Variants in UGT2A2 observed in about 807,000 individuals in gnomAD.
The protein encoded by UGT2A2 is UDP-glucuronosyltransferase 2A2.
UGT2A2 carries 60 observed loss-of-function variants against 50.7 expected under a neutral mutation model. That is an observed-to-expected ratio of 1.18 (90% CI 0.96 to 1.47). The LOEUF is 1.47. Ranked by LOEUF, UGT2A2 falls within the 40% of genes most tolerant of loss-of-function variation. UGT2A2 has a pLI of 0.00. For synonymous variants in UGT2A2, 242 were observed against 214.6 expected, an observed-to-expected ratio of 1.13 and a Z score of -1.11; for missense variants, 762 against 634.0, an observed-to-expected ratio of 1.20 and a Z score of -2.17.
chr4:69,606,207 T>C lies in UGT2A2; in HGVS notation c.743-6813A>G, dbSNP rs182354596. Among the ~76,000 whole-genome samples the C allele has an allele frequency of 6.6e-4, 90 of 135,882 alleles. 17 individuals carry two copies. The highest frequency in any genetic ancestry group is 1.9e-3 in the Admixed American group (26 of 13,836). 89.1% of individuals were successfully genotyped at this position (135,882 alleles called of 152,430 possible). A position where few individuals can be genotyped will look rare whatever the true frequency, so the allele number is the denominator to read the frequency against. ...CTGGCAAACCAAATCCAGCGGCACATCAAAAAGCTTACCCACCATGATCAA... is the reference window on the plus strand; with the variant it reads ...CTGGCAAACCAAATCCAGCGGCACACCAAAAAGCTTACCCACCATGATCAA... On this transcript the variant is annotated intron_variant, in intron 1 of 5. Coordinates refer to ENST00000604629, the MANE Select transcript of UGT2A2 (RefSeq NM_001105677.2).
At chr4:69,629,476 T>C (rs538471717) in intron 1 of UGT2A2, among the ~76,000 whole-genome samples, 302 of 152,150 alleles carry the variant, frequency 2.0e-3, no homozygotes, top group African/African-American at 7.1e-3. Context: ...GACTAGATAG[T>C]TTATGTTATC....
chr4:69,594,266 G>A (rs553340423), intron 5 of UGT2A2, among the ~76,000 whole-genome samples: 3 of 152,000 alleles, frequency 2.0e-5, no homozygotes, highest in East Asian at 1.9e-4. Flanking sequence ...GAGCCACTGC[G>A]CCCGGCCAAT....
At chr4:69,598,530 T>C (rs1413773575) in intron 2 of UGT2A2, among the ~76,000 whole-genome samples, 1 of 152,174 alleles carries the variant, frequency 6.6e-6, no homozygotes. Context: ...ATACAACATT[T>C]GTATCTCTCA....
intron 1 of UGT2A2, chr4:69,635,696 G>T: frequency 3.5e-6 from 1 of 285,570 alleles, no homozygotes; most frequent in South Asian, 2.7e-5. Flanking sequence ...CTGACCTGCT[G>T]GCAGCCTGTA....
chr4:69,615,478 A>G (rs1720324359), intron 1 of UGT2A2, among the ~76,000 whole-genome samples: 4 of 152,044 alleles, frequency 2.6e-5, no homozygotes, highest in Admixed American at 2.0e-4. Context: ...TACCCATCTG[A>G]CAAGGGATTG....
chr4:69,638,580 AT>A, intron 1 of UGT2A2, among the ~76,000 whole-genome samples: 1 of 152,114 alleles, frequency 6.6e-6, no homozygotes, highest in East Asian at 1.9e-4. Context: ...TTGCCAGGGT[AT>A]TTTTCAGTAG....
At chr4:69,603,811 G>C (rs1346563404) in intron 1 of UGT2A2, among the ~76,000 whole-genome samples, 1 of 135,574 alleles carries the variant, frequency 7.4e-6, no homozygotes, top group Admixed American at 7.3e-5. Flanking sequence ...GGAAGAAAGG[G>C]TATCAGTGAT....
At chr4:69,627,840 A>AAT (rs1411186924) in intron 1 of UGT2A2, among the ~76,000 whole-genome samples, 6 of 151,946 alleles carry the variant, frequency 3.9e-5, no homozygotes, top group Non-Finnish European at 7.4e-5. Flanking sequence ...AAAATTTATA[A>AAT]ATGTCATAGA....
intron 5 of UGT2A2, among the ~76,000 whole-genome samples, chr4:69,592,957 T>C (rs1326834937): frequency 6.6e-6 from 1 of 152,100 alleles, no homozygotes; most frequent in East Asian, 1.9e-4. Context: ...AAAAAGTAAC[T>C]ATTTCTTTTT....
chr4:69,626,830 T>G (rs771791499), intron 1 of UGT2A2, among the ~76,000 whole-genome samples: 22 of 151,858 alleles, frequency 1.4e-4, no homozygotes, highest in Non-Finnish European at 3.1e-4. Flanking sequence ...AATTATTTAT[T>G]TTGCTTCTCA....
intron 1 of UGT2A2, among the ~76,000 whole-genome samples, chr4:69,627,033 A>C (rs1721100451): frequency 1.3e-5 from 2 of 151,918 alleles, no homozygotes; most frequent in African/African-American, 4.8e-5. Context: ...ATAATGGCAT[A>C]TAAAACTCAA....
chr4:69,627,271 TA>T (rs933335367), intron 1 of UGT2A2, among the ~76,000 whole-genome samples: 2 of 151,618 alleles, frequency 1.3e-5, no homozygotes, highest in Non-Finnish European at 1.5e-5. Flanking sequence ...CAGAGATTTA[TA>T]AAAAAAATCA....
chr4:69,630,361 C>T (rs1351374251), intron 1 of UGT2A2, among the ~76,000 whole-genome samples: 3 of 152,024 alleles, frequency 2.0e-5, no homozygotes, highest in African/African-American at 7.2e-5. Context: ...TATAACTCCC[C>T]ATTCCCACCT....
intron 1 of UGT2A2, among the ~76,000 whole-genome samples, chr4:69,627,371 C>T (rs796974145): frequency 6.6e-6 from 1 of 151,710 alleles, no homozygotes; most frequent in East Asian, 1.9e-4. Flanking sequence ...TCACATACTA[C>T]ATTACTACAT....
rs778611239 is a variant in UGT2A2, at chr4:69,589,616, T to G, written c.1367A>C (p.His456Pro). ...KENAMRLSRI[H>P]HDQPVKPLDR... ...CAGGGGCTTTACAGGTTGATCATGG[T>G]GAATTCTTGATAACCTCATAGCATT... The change falls in exon 6 of 6, where the codon CAC becomes CCC. Residue 456 changes from histidine (H) to proline (P), a missense_variant. His to Pro is a moderately conservative substitution (Grantham distance 77). Coordinates refer to ENST00000604629, the MANE Select transcript of UGT2A2 (RefSeq NM_001105677.2). The G allele has an allele frequency of 1.1e-5, 18 of 1,613,830 alleles. No homozygotes were observed. The highest frequency in any genetic ancestry group is 1.4e-5 in the Non-Finnish European group (16 of 1,179,866).
In UGT2A2 at chr4:69,602,106, A is replaced by G. The variant is rs1235481140; in HGVS notation, c.743-2712T>C. 1.5e-5 allele frequency among the ~76,000 whole-genome samples: 2 copies of G among 137,156 alleles called. 1 individual carries two copies. The highest frequency in any genetic ancestry group is 3.1e-5 in the Non-Finnish European group (2 of 64,298). The allele number at this position is 137,156 out of a possible 152,430, so 90.0% of individuals were successfully genotyped here. ...TAGTAATATTTTAACAAAAGATATG[A>G]AAAAGTTGGACTCATTATAGTAATG... On this transcript the variant is annotated intron_variant, in intron 1 of 5. Coordinates refer to ENST00000604629, the MANE Select transcript of UGT2A2 (RefSeq NM_001105677.2).
At chr4:69,608,379 A>G (rs6858314) in intron 1 of UGT2A2, among the ~76,000 whole-genome samples, 37,971 of 140,862 alleles carry the variant, frequency 0.27, 5,360 homozygotes, top group African/African-American at 0.38. Flanking sequence ...ATGAGAACAT[A>G]TGGACACAGG....
At position 69,599,940 on chromosome 4, in the gene UGT2A2, A is replaced by T. The variant is rs1405810147; in HGVS notation, c.743-546T>A. Among the ~76,000 whole-genome samples the T allele has an allele frequency of 2.0e-5, 3 of 152,348 alleles. No individual in the cohort carries two copies. In the East Asian group the frequency reaches 5.8e-4, roughly 29 times the overall value. On this transcript the variant is annotated intron_variant, in intron 1 of 5. Transcript: ENST00000604629. ...GCCAGATAAGTTTCTTCCCCAGGAC[A>T]GCAAATCAGAGGCATTGCTAGCATG...
At chr4:69,611,123 A>C (rs889774412) in intron 1 of UGT2A2, among the ~76,000 whole-genome samples, 13 of 151,740 alleles carry the variant, frequency 8.6e-5, no homozygotes, top group Admixed American at 5.9e-4. Context: ...TAAAAAAAGA[A>C]ATCTACTGTT....
Sources: allele counts gnomAD v4.1 joint callset (sites outside exome capture counted in the v4.1 genomes callset), GRCh38; gene constraint gnomAD v4.1.1; transcripts MANE v1.5; gene names NCBI Gene and HGNC (gene_info 2026-07-23, HGNC 2026-07-21).